MARK4: variants seen among roughly 807,000 people sequenced by gnomAD.
MARK4 encodes the protein MAP/microtubule affinity-regulating kinase 4.
A neutral mutation model predicts 81.5 loss-of-function variants in MARK4; 19 were observed. The observed-to-expected ratio is 0.23, with a 90% CI of 0.16 to 0.34. The LOEUF is 0.34. Ranked by LOEUF, MARK4 falls within the 10% of genes least tolerant of loss-of-function variation. MARK4 has a pLI of 1.00. For synonymous variants in MARK4, 436 were observed against 439.0 expected, an observed-to-expected ratio of 0.99 and a Z score of 0.08; for missense variants, 772 against 1,058.8, an observed-to-expected ratio of 0.73 and a Z score of 3.76.
At chr19:45,275,356 A>G (rs1336002854) in intron 8 of MARK4, among the ~76,000 whole-genome samples, 1 of 151,794 alleles carries the variant, frequency 6.6e-6, no homozygotes, top group African/African-American at 2.4e-5. Flanking sequence ...ATTGTGGTGC[A>G]TGCCTGTAGT....
Position 45,277,820 on chromosome 19 carries a change from A to AG in MARK4, c.787-101dup, listed in dbSNP as rs1970618328. ...ACTTCTATCAAAGGGGTTGGGACAAAGGTTGTGTGTGTGTGTGTGTGTGTG... is the reference window on the plus strand; with the variant it reads ...ACTTCTATCAAAGGGGTTGGGACAAAGGGTTGTGTGTGTGTGTGTGTGTGTG... On this transcript the variant is annotated intron_variant, in intron 8 of 16. Coordinates refer to ENST00000262891, the MANE Select transcript of MARK4 (RefSeq NM_001199867.2). 2.0e-5 allele frequency: 24 copies of AG among 1,204,584 alleles called. No homozygotes were observed. The South Asian group carries it at 2.3e-4, about 12-fold the overall frequency. 74.6% of individuals were successfully genotyped at this position (1,204,584 alleles called of 1,614,324 possible).
At chr19:45,266,979 G>T (rs533061910) in intron 7 of MARK4, among the ~76,000 whole-genome samples, 1 of 152,008 alleles carries the variant, frequency 6.6e-6, no homozygotes, top group Non-Finnish European at 1.5e-5. Context: ...TGATCCGCCC[G>T]CCTCAGCCTC....
In MARK4 at chr19:45,295,019, T is replaced by G. The variant is rs1430874927; in HGVS notation, c.1598+567T>G. Among the ~76,000 whole-genome samples the G allele has an allele frequency of 1.9e-4, 29 of 152,042 alleles. 1 individual carries two copies. The highest frequency in any genetic ancestry group is 1.9e-3 in the Admixed American group (29 of 15,252). On this transcript the variant is annotated intron_variant, in intron 14 of 16. Coordinates refer to ENST00000262891, the MANE Select transcript of MARK4 (RefSeq NM_001199867.2). ...GCACCTGATTAGTGGGTGCAGGTGTTCCCACTGGGTGTGGGCAGAGGAATG... is the reference window on the plus strand; with the variant it reads ...GCACCTGATTAGTGGGTGCAGGTGTGCCCACTGGGTGTGGGCAGAGGAATG...
chr19:45,300,890 A>C (rs180701919), intron 16 of MARK4, among the ~76,000 whole-genome samples: 7 of 152,196 alleles, frequency 4.6e-5, no homozygotes, highest in Admixed American at 3.3e-4. Flanking sequence ...GTAGAATGCT[A>C]TCATTGGCAG....
At chr19:45,270,936 A>G (rs1038753357) in intron 7 of MARK4, among the ~76,000 whole-genome samples, 2 of 152,096 alleles carry the variant, frequency 1.3e-5, no homozygotes, top group African/African-American at 2.4e-5. Flanking sequence ...ACGCCCAGCT[A>G]ATTTTGTATT....
intron 13 of MARK4, 108 bp from the exon 14 acceptor site, chr19:45,294,241 A>C: frequency 9.8e-7 from 1 of 1,019,414 alleles, no homozygotes; most frequent in Non-Finnish European, 1.5e-6. Context: ...GGGTTCCCAC[A>C]TGAGCCCCTG....
At chr19:45,262,449 A>G (rs73036548) in intron 2 of MARK4, among the ~76,000 whole-genome samples, 3,399 of 152,298 alleles carry the variant, frequency 0.022, 56 homozygotes, top group Non-Finnish European at 0.035. Flanking sequence ...TGTAAAGCGC[A>G]TAGTCCTTGT....
chr19:45,294,606 AC>A (rs1276112220), intron 14 of MARK4, among the ~76,000 whole-genome samples, 154 bp downstream of exon 14: 2 of 151,718 alleles, frequency 1.3e-5, no homozygotes, highest in African/African-American at 2.4e-5. Context: ...CGACCCATGT[AC>A]CCCCCTGAAA....
At chr19:45,300,505 C>G (rs1197746536) in intron 16 of MARK4, among the ~76,000 whole-genome samples, 1 of 152,138 alleles carries the variant, frequency 6.6e-6, no homozygotes, top group Non-Finnish European at 1.5e-5. Context: ...GGACCCAGAT[C>G]ATGAAGATTT....
In MARK4 at chr19:45,255,758, GC is replaced by G. The variant is rs1278815484; in HGVS notation, c.52-3226del. ...GGCAGTGTCTTTCTCAGAGACTTGG[GC>G]CCCCAGCCCATCAGCCTCTTGGCCT... On this transcript the variant is annotated intron_variant, in intron 1 of 16. Coordinates refer to ENST00000262891, the MANE Select transcript of MARK4 (RefSeq NM_001199867.2). Among the ~76,000 whole-genome samples, 10 of 152,254 alleles carry G rather than the reference GC, an allele frequency of 6.6e-5. No homozygotes were observed. In the East Asian group the frequency reaches 1.7e-3, roughly 26 times the overall value.
chr19:45,299,575 C>T (rs1970939285), intron 15 of MARK4, among the ~76,000 whole-genome samples: 1 of 152,190 alleles, frequency 6.6e-6, no homozygotes, highest in African/African-American at 2.4e-5. Context: ...CTGCCCACTC[C>T]CCTCCCTTTC....
In MARK4 at chr19:45,271,374, G is replaced by C; in HGVS notation, c.550-98G>C. On this transcript the variant is annotated intron_variant, in intron 7 of 16. Coordinates refer to ENST00000262891, the MANE Select transcript of MARK4 (RefSeq NM_001199867.2). The surrounding 1 kb of genome is among the most constrained non-coding windows in gnomAD (Gnocchi z 4.1). The stretch of plus-strand genomic sequence containing the variant: ...GACAGGCCCAAGAGTTGATCCCTGT[G>C]GGCCAGCCCTAGAGCCTGTGCTCCT... The C allele has an allele frequency of 8.3e-7, 1 of 1,211,718 alleles. No individual in the cohort carries two copies. The highest frequency in any genetic ancestry group is 1.2e-6 in the Non-Finnish European group (1 of 840,260). 75.1% of individuals were successfully genotyped at this position (1,211,718 alleles called of 1,614,324 possible).
intron 12 of MARK4, among the ~76,000 whole-genome samples, chr19:45,287,067 G>T (rs1970752044): frequency 6.6e-6 from 1 of 151,962 alleles, no homozygotes; most frequent in South Asian, 2.1e-4. Context: ...GGCCAGGTGG[G>T]GTGGCACACA....
chr19:45,267,635 T>A (rs998437777), intron 7 of MARK4, among the ~76,000 whole-genome samples: 2 of 152,222 alleles, frequency 1.3e-5, no homozygotes, highest in Admixed American at 1.3e-4. Context: ...TTTAAGGAAG[T>A]GCTTCTGGAA....
In MARK4 at chr19:45,289,341, C is replaced by T. The variant is rs559273252; in HGVS notation, c.1494+1677C>T. 6.5e-3 allele frequency among the ~76,000 whole-genome samples: 850 copies of T among 130,516 alleles called. 12 individuals carry two copies. The highest frequency in any genetic ancestry group is 0.024 in the African/African-American group (802 of 33,914). The allele number at this position is 130,516 out of a possible 152,430, so 85.6% of individuals were successfully genotyped here. ...GGCAGAGGTTGCAGTGAGCCGAGAT[C>T]GTGCCACTGCACTCCAGCCTGGTGA... On this transcript the variant is annotated intron_variant, in intron 13 of 16. Transcript: ENST00000262891.
intron 12 of MARK4, among the ~76,000 whole-genome samples, chr19:45,282,913 A>G (rs576469287): frequency 8.5e-5 from 13 of 152,068 alleles, no homozygotes; most frequent in African/African-American, 3.1e-4. Flanking sequence ...GACCACTTGA[A>G]CCCAGGAGAT....
chr19:45,275,707 C>T (rs1389588980), intron 8 of MARK4, among the ~76,000 whole-genome samples: 1 of 152,220 alleles, frequency 6.6e-6, no homozygotes, highest in Non-Finnish European at 1.5e-5. Flanking sequence ...GCTGTGCAAT[C>T]CTGGGGCAAG....
At chr19:45,252,256 C>T (rs1050067052) in intron 1 of MARK4, among the ~76,000 whole-genome samples, 2 of 152,108 alleles carry the variant, frequency 1.3e-5, no homozygotes, top group South Asian at 2.1e-4. Context: ...AGGTCTCTCC[C>T]GTCCCAGGCC....
Position 45,297,748 on chromosome 19 carries a change from C to A in MARK4, c.1671C>A (p.Ser557Arg). The change falls in exon 15 of 17, where the codon AGC becomes AGA. Residue 557 changes from serine (S) to arginine (R), a missense_variant. Around this residue, in one of 3 missense-constraint regions of MARK4, gnomAD observed 548 missense variants for 624.3 expected, o/e 0.88. Coordinates refer to ENST00000262891, the MANE Select transcript of MARK4 (RefSeq NM_001199867.2). ...TGGCACCCCCATCAGGGGAGCGGAG[C>A]CGCCTGGCACGTGGTTCCACCATCC... is the stretch of plus-strand genomic sequence containing the variant. ...HSLAPPSGER[S>R]RLARGSTIRS... 2 of 1,577,170 alleles carry A rather than the reference C, an allele frequency of 1.3e-6. No homozygotes were observed. Among genetic ancestry groups the A allele is most frequent in the Admixed American group, 1.8e-5 (1 of 54,508 alleles).
Sources: gnomAD v4.1 joint callset for allele counts (sites outside exome capture counted in the v4.1 genomes callset) on GRCh38, gnomAD v4.1.1 for gene constraint, gnomAD v4.1.1 regional missense constraint, Gnocchi (gnomAD v3.1) non-coding constraint, MANE v1.5 for transcripts, NCBI Gene and HGNC (gene_info 2026-07-23, HGNC 2026-07-21) for gene names.